ABHD3: variants seen among roughly 807,000 people sequenced by gnomAD.
ABHD3 encodes the protein phospholipase ABHD3.
A neutral mutation model predicts 48.8 loss-of-function variants in ABHD3; 46 were observed. The observed-to-expected ratio is 0.94, with a 90% CI of 0.74 to 1.20. ABHD3 has a LOEUF of 1.20. Among genes scored for constraint, ABHD3 ranks in the 50% most tolerant of loss-of-function variants. The pLI is 0.00. For synonymous variants in ABHD3, 192 were observed against 183.7 expected (o/e 1.04, Z -0.36); for missense variants, 490 against 497.8 (o/e 0.98, Z 0.15).
At chr18:21,674,228 T>TTC (rs10654274) in intron 4 of ABHD3, among the ~76,000 whole-genome samples, 72,309 of 150,300 alleles carry the variant, frequency 0.48, 20,608 homozygotes, top group African/African-American at 0.81. Context: ...AAAACATTCT[T>TTC]TCTTTTATTT....
At chr18:21,683,823 AAC>A (rs1330725720) in intron 4 of ABHD3, 95 bp downstream of exon 4, 52 of 1,245,922 alleles carry the variant, frequency 4.2e-5, no homozygotes, top group Admixed American at 3.0e-4. Flanking sequence ...TGCTTACATA[AAC>A]AGAGTTATTT....
chr18:21,700,799 T>C (rs2040489838), intron 3 of ABHD3, among the ~76,000 whole-genome samples: 1 of 139,764 alleles, frequency 7.2e-6, no homozygotes, highest in South Asian at 2.2e-4. Context: ...TGATCTTCTG[T>C]ACTTTCTGAG....
At chr18:21,667,633 ACT>A (rs1420823032) in intron 4 of ABHD3, among the ~76,000 whole-genome samples, 2 of 151,948 alleles carry the variant, frequency 1.3e-5, no homozygotes, top group African/African-American at 2.4e-5. Flanking sequence ...TGCAAACATG[ACT>A]CTCTGAAAGA....
chr18:21,656,115 C>T (rs2039343744), intron 8 of ABHD3, among the ~76,000 whole-genome samples: 1 of 152,192 alleles, frequency 6.6e-6, no homozygotes. Context: ...GAGATCGTGC[C>T]TTTGCACTCC....
chr18:21,675,236 G>T (rs2039850892), intron 4 of ABHD3, among the ~76,000 whole-genome samples: 1 of 149,794 alleles, frequency 6.7e-6, no homozygotes, highest in Non-Finnish European at 1.5e-5. Flanking sequence ...TTCTCCAGAG[G>T]TGTCCTCATC....
chr18:21,690,909 T>C (rs1273585944), intron 3 of ABHD3, among the ~76,000 whole-genome samples: 1 of 147,872 alleles, frequency 6.8e-6, no homozygotes, highest in Admixed American at 6.9e-5. Flanking sequence ...GCAGGAGAAC[T>C]GCTGGAACCT....
chr18:21,658,514 G>T (rs1044047254), intron 6 of ABHD3, among the ~76,000 whole-genome samples: 3 of 152,148 alleles, frequency 2.0e-5, no homozygotes, highest in Admixed American at 6.5e-5. Context: ...AACATTTTTA[G>T]TCTTTTAGAA....
At chr18:21,703,912 G>A (rs1313468300) in intron 1 of ABHD3, 165 bp from the exon 2 acceptor site, 3 of 683,684 alleles carry the variant, frequency 4.4e-6, no homozygotes, top group South Asian at 2.0e-5. Context: ...CTGAAACGGG[G>A]GTTTCGCCAA....
At chr18:21,653,052 CAAAAAAAAA>C (rs745321830) in intron 8 of ABHD3, among the ~76,000 whole-genome samples, 1 of 4,902 alleles carries the variant, frequency 2.0e-4, no homozygotes, top group African/African-American at 9.3e-4. Flanking sequence ...GACTCCATCT[CAAAAAAAAA>C]AAAAAAAAAA....
At chr18:21,689,235 A>G (rs1292329867) in intron 3 of ABHD3, among the ~76,000 whole-genome samples, 1 of 152,104 alleles carries the variant, frequency 6.6e-6, no homozygotes, top group East Asian at 1.9e-4. Flanking sequence ...ACTCAATGAT[A>G]AATAAAAGTT....
intron 5 of ABHD3, among the ~76,000 whole-genome samples, chr18:21,660,516 T>C (rs2039468134): frequency 6.6e-6 from 1 of 152,236 alleles, no homozygotes; most frequent in Non-Finnish European, 1.5e-5. Flanking sequence ...TAATCATGTC[T>C]AATCTACATA....
At chr18:21,660,374 C>T (rs561626254) in intron 5 of ABHD3, among the ~76,000 whole-genome samples, 4 of 152,026 alleles carry the variant, frequency 2.6e-5, no homozygotes, top group African/African-American at 9.6e-5. Context: ...AACAGCTGAC[C>T]CCTAAAGTAA....
At chr18:21,702,826 G>T (rs2146342658) in intron 2 of ABHD3, among the ~76,000 whole-genome samples, 1 of 152,296 alleles carries the variant, frequency 6.6e-6, no homozygotes, top group South Asian at 2.1e-4. Context: ...CAACTAATGC[G>T]ACAGGGAAGT....
intron 4 of ABHD3, among the ~76,000 whole-genome samples, chr18:21,681,958 T>C (rs1169637480): frequency 2.0e-4 from 31 of 151,814 alleles, no homozygotes; most frequent in Admixed American, 2.0e-3. Context: ...ACCCCATCTC[T>C]ACAAAACAAA....
chr18:21,686,958 C>T lies in ABHD3; in HGVS notation c.510-2993G>A, dbSNP rs2040141423. On this transcript the variant is annotated intron_variant, in intron 3 of 8. Coordinates refer to ENST00000289119, the MANE Select transcript of ABHD3 (RefSeq NM_138340.5). ...TTAGAGATAAGGTCTCACTGTTGCC[C>T]AGGCTGGAGTGCAGTGACACAATCA... Among the ~76,000 whole-genome samples the T allele has an allele frequency of 2.6e-5, 4 of 152,158 alleles. No homozygotes were observed. In the South Asian group the frequency reaches 8.3e-4, roughly 32 times the overall value.
intron 4 of ABHD3, chr18:21,682,564 G>A (rs2040027886): frequency 6.6e-6 from 1 of 152,186 alleles, no homozygotes; most frequent in Admixed American, 6.5e-5. Flanking sequence ...AAAGATTAGG[G>A]CTGTGTCTCA....
chr18:21,665,364 T>G (rs1405426399), intron 4 of ABHD3, among the ~76,000 whole-genome samples: 2 of 152,054 alleles, frequency 1.3e-5, no homozygotes, highest in African/African-American at 2.4e-5. Flanking sequence ...TTCAGCCTCC[T>G]GAGTAGCTGG....
intron 4 of ABHD3, among the ~76,000 whole-genome samples, chr18:21,678,701 A>C (rs2039942648): frequency 6.6e-6 from 1 of 152,148 alleles, no homozygotes. Flanking sequence ...CCTATCCTTG[A>C]AAACCAATCT....
At chr18:21,655,615 G>A (rs1209604142) in intron 8 of ABHD3, among the ~76,000 whole-genome samples, 2 of 152,222 alleles carry the variant, frequency 1.3e-5, no homozygotes, top group South Asian at 2.1e-4. Context: ...TGAGGCAGGC[G>A]GATCGCCTGA....
Sources: gnomAD v4.1 joint callset for allele counts (sites outside exome capture counted in the v4.1 genomes callset) on GRCh38, gnomAD v4.1.1 for gene constraint, MANE v1.5 for transcripts, NCBI Gene and HGNC (gene_info 2026-07-23, HGNC 2026-07-21) for gene names.